PCNT: variants seen among roughly 807,000 people sequenced by gnomAD.
PCNT encodes kendrin.
Under a neutral mutation model 380.4 loss-of-function variants are expected in PCNT, and 319 were observed. The ratio of observed to expected loss-of-function variants is 0.84; its 90% CI spans 0.77 to 0.92. The LOEUF is 0.92. Ranked by LOEUF, PCNT falls within the 40% of genes least tolerant of loss-of-function variation. The probability of loss-of-function intolerance (pLI) is 0.00; values close to 1 mark genes in which losing one functional copy is unlikely to be tolerated. For missense variants in PCNT, 4,400 were observed against 4,255.3 expected (o/e 1.03, Z -0.95); for synonymous variants, 1,845 against 1,735.2 (o/e 1.06, Z -1.57).
rs779595426 is a variant in PCNT, at chr21:46,326,552, A to G, written c.230A>G (p.Asp77Gly). The change falls in exon 2 of 47, where the codon GAC (aspartate) becomes GGC (glycine). Residue 77 changes from aspartate to glycine, a missense_variant. Transcript: ENST00000359568. ...GDICKSTSCD[D>G]TPDGAGGAFA... ...ATTTGCAAAAGCACATCATGTGACGACACCCCTGATGGGGCAGGAGGGGCC... is the reference window on the plus strand; with the variant it reads ...ATTTGCAAAAGCACATCATGTGACGGCACCCCTGATGGGGCAGGAGGGGCC... 47 of 1,613,988 alleles carry G rather than the reference A, an allele frequency of 2.9e-5. No individual in the cohort carries two copies. The highest frequency in any genetic ancestry group is 3.9e-5 in the Non-Finnish European group (46 of 1,180,006).
intron 31 of PCNT, among the ~76,000 whole-genome samples, chr21:46,418,928 T>G (rs2087137404): frequency 6.6e-6 from 1 of 152,230 alleles, no homozygotes; most frequent in South Asian, 2.1e-4. Flanking sequence ...CTGCCAGGTT[T>G]CCTCCACCTC....
At chr21:46,380,858 A>C (rs1002071477) in intron 15 of PCNT, among the ~76,000 whole-genome samples, 2 of 152,122 alleles carry the variant, frequency 1.3e-5, no homozygotes, top group African/African-American at 4.8e-5. Flanking sequence ...GTTTAAAAAA[A>C]TAAGCTTATT....
rs569158512 is a variant in PCNT at position 46,349,614 on chromosome 21, A to G, written c.1208-70A>G. 1.1e-5 allele frequency: 17 copies of G among 1,527,062 alleles called. No individual in the cohort carries two copies. In the South Asian group the frequency reaches 1.5e-4, roughly 13 times the overall value. 94.6% of individuals were successfully genotyped at this position (1,527,062 alleles called of 1,614,324 possible). A position where few individuals can be genotyped will look rare whatever the true frequency, so the allele number is the denominator to read the frequency against. On this transcript the variant is annotated intron_variant, in intron 7 of 46. Coordinates refer to ENST00000359568, the MANE Select transcript of PCNT (RefSeq NM_006031.6). Reference sequence around the variant, plus strand: ...GTGGCAGCGCTCTGGGTGCACCATTATTGTCACTGAGGTCGCTGTTGAGGA... The same window carrying G: ...GTGGCAGCGCTCTGGGTGCACCATTGTTGTCACTGAGGTCGCTGTTGAGGA...
intron 19 of PCNT, among the ~76,000 whole-genome samples, chr21:46,390,304 C>T (rs1369095422): frequency 6.6e-6 from 1 of 152,202 alleles, no homozygotes; most frequent in Admixed American, 6.5e-5. Flanking sequence ...AGAGCAAGAC[C>T]CTATCTCAAA....
intron 16 of PCNT, among the ~76,000 whole-genome samples, chr21:46,385,351 G>A (rs566102551): frequency 7.9e-5 from 12 of 152,202 alleles, no homozygotes; most frequent in Non-Finnish European, 1.6e-4. Flanking sequence ...GTGAGACCCT[G>A]TCTCAGAAAG....
intron 15 of PCNT, among the ~76,000 whole-genome samples, chr21:46,379,273 G>A (rs78455786): frequency 0.038 from 5,704 of 151,826 alleles, 147 homozygotes; most frequent in Middle Eastern, 0.082. Context: ...TGGGCTGCGT[G>A]TCGTGAGCCG....
Position 46,431,987 on chromosome 21 carries a change from C to T in PCNT, c.8523C>T (p.Ala2841=), listed in dbSNP as rs746870957. The T allele has an allele frequency of 6.2e-7, 1 of 1,613,966 alleles. No homozygotes were observed. Among genetic ancestry groups the T allele is most frequent in the Non-Finnish European group, 8.5e-7 (1 of 1,180,036 alleles). ...TCAGGAGAGAGAAGGAGGTAAGTGC[C>T]ACACTGAAGTCGACGGTGGAAGCCC... ...EALRREKEVS[A]TLKSTVEALH... is the part of the protein sequence containing the mutation. Residue 2841 remains alanine (A), a synonymous_variant, in exon 38 of 47, where the codon GCC becomes GCT. Coordinates refer to ENST00000359568, the MANE Select transcript of PCNT (RefSeq NM_006031.6).
At chr21:46,363,424 C>G in intron 13 of PCNT, 56 bp from the exon 14 acceptor site, 1 of 1,443,794 alleles carries the variant, frequency 6.9e-7, no homozygotes. Context: ...GTTGTCTCTT[C>G]TAATAATCTC....
chr21:46,365,783 C>CCCATAGGGTTCTATTCACTG (rs2084902362), intron 14 of PCNT, among the ~76,000 whole-genome samples: 1 of 135,072 alleles, frequency 7.4e-6, no homozygotes, highest in Non-Finnish European at 1.6e-5. Context: ...TCTGTTCACT[C>CCCATAGGGTTCTATTCACTG]CCATAGGGTT....
At chr21:46,382,365 G>C (rs1315076456) in intron 16 of PCNT, among the ~76,000 whole-genome samples, 1 of 146,590 alleles carries the variant, frequency 6.8e-6, no homozygotes, top group African/African-American at 2.5e-5. Context: ...TCACAGTGTT[G>C]TATATTCAGT....
intron 15 of PCNT, among the ~76,000 whole-genome samples, chr21:46,370,263 G>A (rs1377878712): frequency 6.6e-6 from 1 of 152,104 alleles, no homozygotes; most frequent in Non-Finnish European, 1.5e-5. Flanking sequence ...CTCCTGTTGG[G>A]GCCTCCGGAG....
chr21:46,381,057 A>G (rs1337525165), intron 15 of PCNT, among the ~76,000 whole-genome samples: 1 of 151,770 alleles, frequency 6.6e-6, no homozygotes, highest in African/African-American at 2.4e-5. Context: ...GGCGCCTATA[A>G]TCCCAGCTAC....
intron 15 of PCNT, among the ~76,000 whole-genome samples, chr21:46,370,070 C>T (rs1377946199): frequency 6.6e-6 from 1 of 152,194 alleles, no homozygotes; most frequent in African/African-American, 2.4e-5. Flanking sequence ...GGCTTCTCTG[C>T]CCTGAGTCTT....
Position 46,429,589 on chromosome 21 carries a change from G to A in PCNT, c.7691-421G>A, listed in dbSNP as rs188851832. 2.7e-3 allele frequency among the ~76,000 whole-genome samples: 417 copies of A among 152,334 alleles called. 2 individuals carry two copies. Among genetic ancestry groups the A allele is most frequent in the African/African-American group, 9.4e-3 (391 of 41,566 alleles). On this transcript the variant is annotated intron_variant, in intron 35 of 46. Transcript: ENST00000359568. The stretch of plus-strand genomic sequence containing the variant: ...TGCTGGGTAGCGCCAGCCCCACGGG[G>A]TGCGGGAAGTATTTGGGAAGTAGCC...
At chr21:46,413,988 TTC>T (rs1163735199) in intron 29 of PCNT, among the ~76,000 whole-genome samples, 1 of 127,968 alleles carries the variant, frequency 7.8e-6, no homozygotes, top group East Asian at 2.3e-4. Flanking sequence ...TTTATTTTTT[TTC>T]TCTCTTTTTT....
intron 32 of PCNT, among the ~76,000 whole-genome samples, chr21:46,422,386 T>C (rs939864168): frequency 1.3e-5 from 2 of 151,096 alleles, no homozygotes; most frequent in African/African-American, 4.9e-5. Context: ...CAGGTGGTGT[T>C]GCCCCGAGTC....
At chr21:46,349,590 T>C in intron 7 of PCNT, 94 bp from the exon 8 acceptor site, 5 of 1,355,864 alleles carry the variant, frequency 3.7e-6, no homozygotes, top group Non-Finnish European at 5.3e-6. Flanking sequence ...GGGCTCTGGG[T>C]GGCAGCGCTC....
At chr21:46,352,189 C>T (rs1264314145) in intron 9 of PCNT, among the ~76,000 whole-genome samples, 2 of 152,222 alleles carry the variant, frequency 1.3e-5, no homozygotes, top group Non-Finnish European at 2.9e-5. Context: ...GCCGACAGAG[C>T]CTTTTGGCCC....
At position 46,399,277 on chromosome 21, in the gene PCNT, C is replaced by CTGCATCTG. The variant is rs372812564; in HGVS notation, c.4585-312_4585-311insGCATCTGT. On this transcript the variant is annotated intron_variant, in intron 24 of 46. Transcript: ENST00000359568. ...CCCTGTGCAGCCTGTGGGTCTGGGT[C>CTGCATCTG]TCTGTTCAGCCTGTGAGTCTGGGTC... is the stretch of plus-strand genomic sequence containing the variant. 4.4e-4 allele frequency among the ~76,000 whole-genome samples: 56 copies of CTGCATCTG among 126,964 alleles called. 2 individuals carry two copies. Among genetic ancestry groups the CTGCATCTG allele is most frequent in the South Asian group, 2.3e-3 (8 of 3,492 alleles). The allele number at this position is 126,964 out of a possible 152,430, so 83.3% of individuals were successfully genotyped here.
Sources: gnomAD v4.1 joint callset for allele counts (sites outside exome capture counted in the v4.1 genomes callset) on GRCh38, gnomAD v4.1.1 for gene constraint, MANE v1.5 for transcripts, NCBI Gene and HGNC (gene_info 2026-07-23, HGNC 2026-07-21) for gene names.